The following FAM174B variants were observed in gnomAD, a reference collection of about 807,000 sequenced individuals.
FAM174B encodes membrane protein FAM174B.
FAM174B carries 12 observed loss-of-function variants against 10.9 expected under a neutral mutation model. The observed-to-expected ratio is 1.10, with a 90% CI of 0.71 to 1.79. FAM174B has a LOEUF of 1.79. Among genes scored for constraint, FAM174B ranks in the 40% most tolerant of loss-of-function variants. The pLI, the probability that FAM174B is intolerant of heterozygous loss-of-function variation, is 0.00. For missense variants in FAM174B, 266 were observed against 233.3 expected (o/e 1.14, Z -0.91); for synonymous variants, 132 against 115.8 (o/e 1.14, Z -0.90).
At chr15:92,655,110 G>C (rs760878647) in intron 1 of FAM174B, 19 of 561,734 alleles carry the variant, frequency 3.4e-5, no homozygotes, top group Admixed American at 4.3e-5. Flanking sequence ...AGAGAGGAAA[G>C]AAAATTCCTA....
chr15:92,641,240 C>T (rs574521269), intron 1 of FAM174B, among the ~76,000 whole-genome samples: 56 of 152,340 alleles, frequency 3.7e-4, no homozygotes, highest in Admixed American at 2.6e-4. Context: ...CAAGGATGTA[C>T]AGAAACACTC....
rs1160228066 is a variant in FAM174B at position 92,619,248 on chromosome 15, C to A, written c.*208G>T. The A allele has an allele frequency of 1.8e-5, 13 of 711,712 alleles. No homozygotes were observed. Among genetic ancestry groups the A allele is most frequent in the Non-Finnish European group, 3.3e-5 (13 of 390,646 alleles). 44.1% of individuals were successfully genotyped at this position (711,712 alleles called of 1,614,324 possible). A position where few individuals can be genotyped will look rare whatever the true frequency, so the allele number is the denominator to read the frequency against. ...AGGGATGCCCAAAGGGTGGCAGAAG[C>A]AACTCCATTGTGGTGACGTGGAAAC... On this transcript the variant is annotated 3_prime_UTR_variant, in exon 3 of 3. Coordinates refer to ENST00000327355, the MANE Select transcript of FAM174B (RefSeq NM_207446.3).
chr15:92,653,312 T>C (rs2050979357), intron 1 of FAM174B: 1 of 152,288 alleles, frequency 6.6e-6, no homozygotes, highest in Non-Finnish European at 1.5e-5. Context: ...CACATCTGGG[T>C]GCATGCTGCC....
In FAM174B at chr15:92,617,894, G is replaced by A. The variant is rs960215456; in HGVS notation, c.*1562C>T. ...CCCCCCGTGGCTGGCAATACCATGC[G>A]TGCTGGGCCGGCTGCGCCACCCTCA... On this transcript the variant is annotated 3_prime_UTR_variant, in exon 3 of 3. Coordinates refer to ENST00000327355, the MANE Select transcript of FAM174B (RefSeq NM_207446.3). 1.9e-5 allele frequency: 8 copies of A among 430,914 alleles called. No homozygotes were observed. Among genetic ancestry groups the A allele is most frequent in the African/African-American group, 1.6e-4 (8 of 48,770 alleles). The allele number at this position is 430,914 out of a possible 1,614,324, so 26.7% of individuals were successfully genotyped here.
chr15:92,639,008 G>A, intron 1 of FAM174B: 1 of 152,290 alleles, frequency 6.6e-6, no homozygotes, highest in South Asian at 2.1e-4. Context: ...CCGCCAGTGA[G>A]GCAAGGAGGG....
At chr15:92,621,366 C>T (rs1596292944) in intron 2 of FAM174B, among the ~76,000 whole-genome samples, 1 of 152,180 alleles carries the variant, frequency 6.6e-6, no homozygotes, top group East Asian at 1.9e-4. Context: ...AATCCCAGAA[C>T]TTTGGGAGGT....
chr15:92,619,680 C>CCGGCG, intron 2 of FAM174B: 1 of 600,576 alleles, frequency 1.7e-6, no homozygotes, highest in South Asian at 2.1e-5. Flanking sequence ...TCCCCCAGCT[C>CCGGCG]CCCACACAGA....
chr15:92,627,909 C>T (rs1292347352), intron 2 of FAM174B, among the ~76,000 whole-genome samples: 2 of 152,160 alleles, frequency 1.3e-5, no homozygotes, highest in African/African-American at 4.8e-5. Context: ...AATACAATCA[C>T]TAACTTTCCT....
At chr15:92,634,521 A>C (rs1467694385) in intron 1 of FAM174B, 2 of 152,254 alleles carry the variant, frequency 1.3e-5, no homozygotes, top group African/African-American at 4.8e-5. Flanking sequence ...CTGCTGAGCT[A>C]AAATAAGGCC....
chr15:92,646,222 A>G lies in FAM174B; in HGVS notation c.344+9094T>C, dbSNP rs530539450. ...TTGGTACAACCTGATCTGGACCAAC[A>G]TTTCTAGAGAAGCCCTGTGATTACT... On this transcript the variant is annotated intron_variant, in intron 1 of 2. Transcript: ENST00000327355. 1.0e-3 allele frequency among the ~76,000 whole-genome samples: 154 copies of G among 152,194 alleles called. 1 individual carries two copies. The highest frequency in any genetic ancestry group is 3.6e-3 in the African/African-American group (148 of 41,536).
At position 92,630,308 on chromosome 15, in the gene FAM174B, TATC is replaced by T. The variant is rs749266465; in HGVS notation, c.379_381del (p.Asp127del). 1 of 1,613,716 alleles carries T rather than the reference TATC, an allele frequency of 6.2e-7. No individual in the cohort carries two copies. The highest frequency in any genetic ancestry group is 2.2e-5 in the East Asian group (1 of 44,872). On this transcript the variant is annotated inframe_deletion, in exon 2 of 3. Coordinates refer to ENST00000327355, the MANE Select transcript of FAM174B (RefSeq NM_207446.3). ...ACTCGCTCTGCTGGAGTGGTGATGA[TATC>T]ATACTTGCGTGTCTTCTTTAACCTC...
chr15:92,629,084 ACCG>A (rs147514618), intron 2 of FAM174B, among the ~76,000 whole-genome samples: 2,620 of 152,256 alleles, frequency 0.017, 66 homozygotes, highest in African/African-American at 0.058. Flanking sequence ...AGGACCAAGG[ACCG>A]CCAAGGCTGT....
Position 92,629,446 on chromosome 15 carries a change from G to A in FAM174B, c.476+768C>T, listed in dbSNP as rs117209750. Among the ~76,000 whole-genome samples the A allele has an allele frequency of 3.0e-3, 451 of 152,182 alleles. 9 individuals carry two copies. In the East Asian group the frequency reaches 0.075, roughly 25 times the overall value. Reference sequence around the variant, plus strand: ...CGGTAAACTCCATCCAAGCAGGAACGCCACCCACCCAGCCACCCACGTCCT... The same window carrying A: ...CGGTAAACTCCATCCAAGCAGGAACACCACCCACCCAGCCACCCACGTCCT... On this transcript the variant is annotated intron_variant, in intron 2 of 2. Coordinates refer to ENST00000327355, the MANE Select transcript of FAM174B (RefSeq NM_207446.3).
At chr15:92,626,456 A>G (rs898787231) in intron 2 of FAM174B, among the ~76,000 whole-genome samples, 1 of 152,194 alleles carries the variant, frequency 6.6e-6, no homozygotes, top group African/African-American at 2.4e-5. Flanking sequence ...AATAAACAAA[A>G]AGTTTAAAAA....
chr15:92,651,287 G>A (rs750190793), intron 1 of FAM174B, among the ~76,000 whole-genome samples: 1 of 152,122 alleles, frequency 6.6e-6, no homozygotes, highest in Non-Finnish European at 1.5e-5. Flanking sequence ...ACTCCCAGGT[G>A]TACACCCCAG....
intron 1 of FAM174B, among the ~76,000 whole-genome samples, chr15:92,632,837 T>C: frequency 6.6e-6 from 1 of 152,160 alleles, no homozygotes; most frequent in East Asian, 1.9e-4. Context: ...ACTATGTTTT[T>C]ACCTTTAGGA....
At chr15:92,643,322 CATT>C (rs923405213) in intron 1 of FAM174B, among the ~76,000 whole-genome samples, 1 of 126,698 alleles carries the variant, frequency 7.9e-6, no homozygotes, top group African/African-American at 2.8e-5. Context: ...TCACCAAAGT[CATT>C]ATAAGAAATA....
chr15:92,652,195 G>C (rs1468741240), intron 1 of FAM174B, among the ~76,000 whole-genome samples: 2 of 152,190 alleles, frequency 1.3e-5, no homozygotes, highest in African/African-American at 4.8e-5. Flanking sequence ...TTAATGCCTA[G>C]TCCTGCTCAG....
intron 1 of FAM174B, among the ~76,000 whole-genome samples, chr15:92,642,058 G>T (rs1433768406): frequency 6.6e-6 from 1 of 152,076 alleles, no homozygotes; most frequent in East Asian, 1.9e-4. Flanking sequence ...ATACACGAAG[G>T]CAAACAAGGT....
Sources: allele counts gnomAD v4.1 joint callset (sites outside exome capture counted in the v4.1 genomes callset), GRCh38; gene constraint gnomAD v4.1.1; transcripts MANE v1.5; gene names NCBI Gene and HGNC (gene_info 2026-07-23, HGNC 2026-07-21).